The following RNGTT variants were observed in gnomAD, a reference collection of about 807,000 sequenced individuals.
RNGTT encodes the protein mRNA-capping enzyme.
RNGTT carries 33 observed loss-of-function variants against 79.3 expected under a neutral mutation model. The observed-to-expected ratio is 0.42, with a 90% confidence interval of 0.32 to 0.56. The LOEUF is 0.56. Ranked by LOEUF, RNGTT falls within the 20% of genes least tolerant of loss-of-function variation. The probability of loss-of-function intolerance (pLI) is 0.17; values close to 1 mark genes in which losing one functional copy is unlikely to be tolerated. For synonymous variants in RNGTT, 222 were observed against 235.9 expected, an observed-to-expected ratio of 0.94 and a Z score of 0.54; for missense variants, 497 against 739.1, an observed-to-expected ratio of 0.67 and a Z score of 3.80.
chr6:88,825,469 T>C lies in RNGTT; in HGVS notation c.1269+18888A>G, dbSNP rs909575163. On this transcript the variant is annotated intron_variant, in intron 11 of 15. Coordinates refer to ENST00000369485, the MANE Select transcript of RNGTT (RefSeq NM_003800.5). ...ATCTAAAGAGATATTCATCGAAACATTAGTAACAAAATTTTGGTAGCATTC... is the reference window on the plus strand; with the variant it reads ...ATCTAAAGAGATATTCATCGAAACACTAGTAACAAAATTTTGGTAGCATTC... Among the ~76,000 whole-genome samples, 9 of 152,234 alleles carry C rather than the reference T, an allele frequency of 5.9e-5. No individual in the cohort carries two copies. The South Asian group carries it at 1.4e-3, about 24-fold the overall frequency.
intron 8 of RNGTT, among the ~76,000 whole-genome samples, chr6:88,859,110 G>C (rs1781926271): frequency 6.6e-6 from 1 of 151,784 alleles, no homozygotes; most frequent in African/African-American, 2.4e-5. Flanking sequence ...TCCCACCTCA[G>C]CCTCCAAAAG....
At chr6:88,686,782 T>C (rs1775294245) in intron 13 of RNGTT, among the ~76,000 whole-genome samples, 1 of 152,092 alleles carries the variant, frequency 6.6e-6, no homozygotes, top group African/African-American at 2.4e-5. Context: ...ATTAATAATT[T>C]ATGTTTATCA....
At chr6:88,726,389 C>CAAAAAAAAA (rs61210098) in intron 13 of RNGTT, among the ~76,000 whole-genome samples, 10 of 99,540 alleles carry the variant, frequency 1.0e-4, no homozygotes, top group Non-Finnish European at 9.6e-5. Flanking sequence ...ATCCTAAGTC[C>CAAAAAAAAA]AAAAAAAAAA....
chr6:88,818,447 G>A (rs1780396199), intron 11 of RNGTT, among the ~76,000 whole-genome samples: 1 of 152,012 alleles, frequency 6.6e-6, no homozygotes. Flanking sequence ...GCCAGGCATA[G>A]TGGTACATGC....
At position 88,949,115 on chromosome 6, in the gene RNGTT, AT is replaced by A. The variant is rs1428824851; in HGVS notation, c.65-7936del. Among the ~76,000 whole-genome samples, 485 of 142,276 alleles carry A rather than the reference AT, an allele frequency of 3.4e-3. 1 individual carries two copies. Among genetic ancestry groups the A allele is most frequent in the African/African-American group, 0.012 (458 of 38,292 alleles). The allele number at this position is 142,276 out of a possible 152,430, so 93.3% of individuals were successfully genotyped here. ...ACACCCAAGAATTATCAATAAAAAA[AT>A]AAATTAAAAAAAATAAAAATAAAAA... On this transcript the variant is annotated intron_variant, in intron 1 of 15. Transcript: ENST00000369485.
At chr6:88,911,999 C>T (rs1311709826) in intron 4 of RNGTT, among the ~76,000 whole-genome samples, 1 of 151,986 alleles carries the variant, frequency 6.6e-6, no homozygotes, top group Non-Finnish European at 1.5e-5. Flanking sequence ...GGGAGGATTG[C>T]TTGAACCCAG....
chr6:88,623,097 G>C (rs776454707), intron 14 of RNGTT, among the ~76,000 whole-genome samples: 1 of 152,024 alleles, frequency 6.6e-6, no homozygotes, highest in Non-Finnish European at 1.5e-5. Flanking sequence ...AAAGAAAGGA[G>C]GGAGGGAAGG....
At chr6:88,866,509 C>T (rs1459884237) in intron 8 of RNGTT, among the ~76,000 whole-genome samples, 1 of 152,074 alleles carries the variant, frequency 6.6e-6, no homozygotes, top group Non-Finnish European at 1.5e-5. Context: ...TAAATAAAAA[C>T]ATGATTTACC....
chr6:88,875,112 T>G (rs981353374), intron 8 of RNGTT, among the ~76,000 whole-genome samples: 4 of 152,234 alleles, frequency 2.6e-5, no homozygotes, highest in South Asian at 2.1e-4. Flanking sequence ...GCAGTAAATA[T>G]TGTCTGCAAA....
chr6:88,856,561 G>C (rs1056727664), intron 8 of RNGTT, among the ~76,000 whole-genome samples: 4 of 152,106 alleles, frequency 2.6e-5, no homozygotes, highest in African/African-American at 9.7e-5. Context: ...TAGAGGACGG[G>C]ATTTACAAAA....
rs369032803 is a variant in RNGTT, at chr6:88,762,933, CTT to C, written c.1439+6839_1439+6840del. 7.7e-3 allele frequency among the ~76,000 whole-genome samples: 1,170 copies of C among 151,408 alleles called. 8 individuals carry two copies. Among genetic ancestry groups the C allele is most frequent in the African/African-American group, 0.026 (1,085 of 41,310 alleles). ...CTAAATGAAAGGTATTTTCTTTTTCCTTTTTTTTAAGGAAGGGTCTCACTCTG... is the reference window on the plus strand; with the variant it reads ...CTAAATGAAAGGTATTTTCTTTTTCCTTTTTTAAGGAAGGGTCTCACTCTG... On this transcript the variant is annotated intron_variant, in intron 13 of 15. Transcript: ENST00000369485.
At chr6:88,636,014 C>G (rs767429) in intron 14 of RNGTT, among the ~76,000 whole-genome samples, 21 of 152,034 alleles carry the variant, frequency 1.4e-4, no homozygotes, top group Non-Finnish European at 2.1e-4. Context: ...ACAAGTATTT[C>G]TTCAGCTCCT....
At chr6:88,612,950 G>GA (rs1168323022) in intron 15 of RNGTT, 68 bp from the exon 16 acceptor site, 2 of 1,446,090 alleles carry the variant, frequency 1.4e-6, no homozygotes, top group African/African-American at 2.8e-5. Flanking sequence ...ACAGGCTTAT[G>GA]AGAAAGGTTT....
intron 12 of RNGTT, among the ~76,000 whole-genome samples, chr6:88,795,665 C>T (rs1206254386): frequency 6.6e-6 from 1 of 151,470 alleles, no homozygotes; most frequent in Non-Finnish European, 1.5e-5. Flanking sequence ...CACATGAATC[C>T]CAGAACTTAA....
chr6:88,711,898 G>A (rs1776332315), intron 13 of RNGTT, among the ~76,000 whole-genome samples: 1 of 152,158 alleles, frequency 6.6e-6, no homozygotes, highest in South Asian at 2.1e-4. Flanking sequence ...ATATTTAGAA[G>A]TAATTGAGAA....
chr6:88,615,618 TG>T (rs1316726438), intron 14 of RNGTT, among the ~76,000 whole-genome samples: 1 of 152,208 alleles, frequency 6.6e-6, no homozygotes, highest in Admixed American at 6.5e-5. Context: ...GGAAACACTG[TG>T]TATATGCAAG....
chr6:88,929,138 T>A, intron 3 of RNGTT, 26 bp downstream of exon 3: 1 of 1,574,610 alleles, frequency 6.4e-7, no homozygotes, highest in Non-Finnish European at 8.7e-7. Flanking sequence ...GGTTTCAATA[T>A]TAAAGAATCT....
intron 11 of RNGTT, among the ~76,000 whole-genome samples, chr6:88,806,209 C>T (rs2127866734): frequency 6.6e-6 from 1 of 151,850 alleles, no homozygotes; most frequent in East Asian, 1.9e-4. Flanking sequence ...AGGCAGTCAA[C>T]AGAAGCAGAC....
intron 14 of RNGTT, among the ~76,000 whole-genome samples, chr6:88,637,958 G>C (rs1429780485): frequency 6.6e-6 from 1 of 152,116 alleles, no homozygotes; most frequent in African/African-American, 2.4e-5. Flanking sequence ...CTACTTAGTT[G>C]AATGAGAACC....
Sources: gnomAD v4.1 joint callset for allele counts (sites outside exome capture counted in the v4.1 genomes callset) on GRCh38, gnomAD v4.1.1 for gene constraint, MANE v1.5 for transcripts, NCBI Gene and HGNC (gene_info 2026-07-23, HGNC 2026-07-21) for gene names.